Variants in ADK observed in about 807,000 individuals in gnomAD.
ADK encodes the protein adenosine kinase, also known as N6,N6-dimethyladenosine kinase.
ADK carries 24 observed loss-of-function variants against 44.7 expected under a neutral mutation model. That is an observed-to-expected ratio of 0.54 (90% CI 0.39 to 0.76). The LOEUF (loss-of-function observed/expected upper bound fraction) is 0.76. Among genes scored for constraint, ADK ranks in the 30% least tolerant of loss-of-function variants. The pLI is 0.00. For missense variants in ADK, 321 were observed against 425.1 expected, an observed-to-expected ratio of 0.76 and a Z score of 2.15; for synonymous variants, 128 against 142.6, an observed-to-expected ratio of 0.90 and a Z score of 0.73.
intron 3 of ADK, among the ~76,000 whole-genome samples, chr10:74,290,905 C>G (rs1847394505): frequency 6.6e-6 from 1 of 152,106 alleles, no homozygotes. Context: ...GCACTTCATT[C>G]TACTGTGCCT....
At chr10:74,234,787 T>A (rs1245679097) in intron 3 of ADK, among the ~76,000 whole-genome samples, 1 of 152,188 alleles carries the variant, frequency 6.6e-6, no homozygotes, top group Non-Finnish European at 1.5e-5. Flanking sequence ...TTCAATAAGA[T>A]TGCAACTGGA....
At chr10:74,375,789 G>A (rs1302302785) in intron 4 of ADK, among the ~76,000 whole-genome samples, 1 of 152,138 alleles carries the variant, frequency 6.6e-6, no homozygotes, top group Non-Finnish European at 1.5e-5. Flanking sequence ...GTTGGTGTAT[G>A]TGCCAAAGTT....
intron 2 of ADK, among the ~76,000 whole-genome samples, chr10:74,219,161 A>G (rs966263874): frequency 8.5e-5 from 13 of 152,134 alleles, no homozygotes; most frequent in Middle Eastern, 6.8e-3. Flanking sequence ...TCAAAATAAA[A>G]GGATGGAGGA....
chr10:74,559,342 A>G (rs1347958090), intron 7 of ADK, among the ~76,000 whole-genome samples: 5 of 152,264 alleles, frequency 3.3e-5, no homozygotes, highest in African/African-American at 9.6e-5. Flanking sequence ...TCTGTTTTGT[A>G]TCTTCTCACA....
intron 4 of ADK, among the ~76,000 whole-genome samples, chr10:74,358,957 T>C (rs1403377355): frequency 6.6e-6 from 1 of 152,078 alleles, no homozygotes; most frequent in Non-Finnish European, 1.5e-5. Flanking sequence ...TTTTAAGAGA[T>C]TGGGGAGTCT....
intron 4 of ADK, among the ~76,000 whole-genome samples, chr10:74,381,351 G>C (rs1842971733): frequency 6.6e-6 from 1 of 152,134 alleles, no homozygotes. Flanking sequence ...CATGTATTGG[G>C]AGTTCTTGAC....
chr10:74,265,756 G>A (rs1438865291), intron 3 of ADK, among the ~76,000 whole-genome samples: 4 of 152,018 alleles, frequency 2.6e-5, no homozygotes, highest in Admixed American at 6.6e-5. Context: ...TTTATAAATT[G>A]GATTTGTAGT....
At chr10:74,233,038 T>C (rs1281406627) in intron 3 of ADK, among the ~76,000 whole-genome samples, 1 of 152,306 alleles carries the variant, frequency 6.6e-6, no homozygotes, top group African/African-American at 2.4e-5. Context: ...TAATTTAAAT[T>C]GCTACCTTCT....
chr10:74,557,800 G>A (rs138129670), intron 7 of ADK, among the ~76,000 whole-genome samples: 75 of 152,288 alleles, frequency 4.9e-4, no homozygotes, highest in African/African-American at 1.5e-3. Flanking sequence ...TTATACATGG[G>A]TTGGCTCAAA....
chr10:74,281,765 AAGTT>A (rs1262733156), intron 3 of ADK, among the ~76,000 whole-genome samples: 1 of 152,206 alleles, frequency 6.6e-6, no homozygotes, highest in African/African-American at 2.4e-5. Context: ...GTTTTCTGAG[AAGTT>A]AGTTATTATT....
chr10:74,243,657 G>A (rs968603743), intron 3 of ADK, among the ~76,000 whole-genome samples: 2 of 152,142 alleles, frequency 1.3e-5, no homozygotes, highest in African/African-American at 4.8e-5. Flanking sequence ...GAGGCCAGGA[G>A]TTCGAGACCA....
intron 6 of ADK, among the ~76,000 whole-genome samples, chr10:74,450,683 T>A (rs1001737266): frequency 6.6e-6 from 1 of 152,198 alleles, no homozygotes; most frequent in Non-Finnish European, 1.5e-5. Context: ...TTTTAAAATC[T>A]TTATAAAAAT....
At chr10:74,201,723 T>G (rs939999093) in intron 2 of ADK, among the ~76,000 whole-genome samples, 1 of 150,784 alleles carries the variant, frequency 6.6e-6, no homozygotes, top group Non-Finnish European at 1.5e-5. Flanking sequence ...TATCTATCTA[T>G]CTATCTATAT....
Position 74,377,036 on chromosome 10 carries a change from A to T in ADK, c.274-17105A>T, listed in dbSNP as rs368067672. Among the ~76,000 whole-genome samples, 33 of 152,230 alleles carry T rather than the reference A, an allele frequency of 2.2e-4. No individual in the cohort carries two copies. The East Asian group carries it at 3.1e-3, about 14-fold the overall frequency. On this transcript the variant is annotated intron_variant, in intron 4 of 10. Transcript: ENST00000539909. ...GGTGGTTCCACTTTTAATGATGCTG[A>T]GATTAATCAATATGTTCAGGTGTAG...
At chr10:74,642,540 C>G (rs1031983965) in intron 9 of ADK, among the ~76,000 whole-genome samples, 3 of 151,866 alleles carry the variant, frequency 2.0e-5, no homozygotes, top group African/African-American at 7.3e-5. Flanking sequence ...TTGAGAACCC[C>G]TCCTCTAATG....
At chr10:74,665,493 G>A (rs554605061) in intron 9 of ADK, among the ~76,000 whole-genome samples, 16 of 152,258 alleles carry the variant, frequency 1.1e-4, no homozygotes, top group South Asian at 8.3e-4. Flanking sequence ...TGGTGTTTAG[G>A]AGGCTGAGGC....
intron 10 of ADK, among the ~76,000 whole-genome samples, chr10:74,693,694 T>C (rs1478049658): frequency 6.6e-6 from 1 of 152,230 alleles, no homozygotes; most frequent in Admixed American, 6.5e-5. Flanking sequence ...AGAAAGGTTG[T>C]GCTAAGGTTC....
intron 10 of ADK, among the ~76,000 whole-genome samples, chr10:74,693,195 A>G (rs953429518): frequency 6.6e-6 from 1 of 152,258 alleles, no homozygotes; most frequent in Non-Finnish European, 1.5e-5. Flanking sequence ...GATTGTAACA[A>G]ATACACCCAC....
At position 74,484,957 on chromosome 10, in the gene ADK, G is replaced by A. The variant is rs375337299; in HGVS notation, c.556-40299G>A. Among the ~76,000 whole-genome samples the A allele has an allele frequency of 8.5e-5, 13 of 152,080 alleles. No individual in the cohort carries two copies. The East Asian group carries it at 2.5e-3, about 29-fold the overall frequency. On this transcript the variant is annotated intron_variant, in intron 6 of 10. Transcript: ENST00000539909. ...AGAGCTTTTGGAAGGTAACTTTTGA[G>A]AATATCTGTATGATCTCGGGGTGTG... is the stretch of plus-strand genomic sequence containing the variant.
Sources: gnomAD v4.1 joint callset for allele counts (sites outside exome capture counted in the v4.1 genomes callset) on GRCh38, gnomAD v4.1.1 for gene constraint, MANE v1.5 for transcripts, NCBI Gene and HGNC (gene_info 2026-07-23, HGNC 2026-07-21) for gene names.